The following GOSR2 variants were observed in gnomAD, a reference collection of about 807,000 sequenced individuals.
The protein encoded by GOSR2 is 27 kDa Golgi SNARE protein.
GOSR2 carries 20 observed loss-of-function variants against 27.9 expected under a neutral mutation model. The ratio of observed to expected loss-of-function variants is 0.72; its 90% CI spans 0.50 to 1.04. The LOEUF is 1.04. Ranked by LOEUF, GOSR2 falls within the 50% of genes least tolerant of loss-of-function variation. The pLI is 0.00. For missense variants in GOSR2, 261 were observed against 270.5 expected (o/e 0.97, Z 0.25); for synonymous variants, 91 against 98.8 (o/e 0.92, Z 0.47).
intron 4 of GOSR2, among the ~76,000 whole-genome samples, chr17:46,933,847 C>T (rs2087802669): frequency 6.6e-6 from 1 of 151,578 alleles, no homozygotes; most frequent in South Asian, 2.1e-4. Flanking sequence ...GCCTGTGGTC[C>T]CAACTACTCT....
chr17:46,952,310 C>T (rs1694673282), intron 6 of GOSR2, among the ~76,000 whole-genome samples: 1 of 152,202 alleles, frequency 6.6e-6, no homozygotes, highest in South Asian at 2.1e-4. Context: ...GGGTCAGCAG[C>T]CCAAAGCAGT....
In GOSR2 at chr17:46,940,727, C is replaced by T. The variant is rs2147084659; in HGVS notation, c.*1967C>T. On this transcript the variant is annotated 3_prime_UTR_variant, in exon 6 of 6. Coordinates refer to ENST00000640051, the MANE Select transcript of GOSR2 (RefSeq NM_004287.5). ...GCTTTCCACACTTGACAGTGGTTGGCTTTGATGAACCCTCATGCTGCACCT... is the reference window on the plus strand; with the variant it reads ...GCTTTCCACACTTGACAGTGGTTGGTTTTGATGAACCCTCATGCTGCACCT... 1.9e-6 allele frequency: 3 copies of T among 1,593,496 alleles called. No individual in the cohort carries two copies. Among genetic ancestry groups the T allele is most frequent in the Middle Eastern group, 1.7e-4 (1 of 6,004 alleles).
chr17:46,958,321 C>T (rs553489946), intron 6 of GOSR2, among the ~76,000 whole-genome samples: 1 of 152,230 alleles, frequency 6.6e-6, no homozygotes, highest in Admixed American at 6.5e-5. Context: ...TAATTCAAGA[C>T]AGGATCTCCA....
chr17:46,967,529 GGA>G (rs995168747), downstream of GOSR2, among the ~76,000 whole-genome samples: 1 of 152,202 alleles, frequency 6.6e-6, no homozygotes. Flanking sequence ...GCGAAGAGAA[GGA>G]GAGAGGCATT....
downstream of GOSR2, among the ~76,000 whole-genome samples, chr17:46,945,857 T>C (rs1324153028): frequency 6.6e-6 from 1 of 152,204 alleles, no homozygotes; most frequent in African/African-American, 2.4e-5. Context: ...GGTAAAACCC[T>C]GGAGATAAAC....
chr17:46,934,461 G>T (rs1368222355), intron 4 of GOSR2, among the ~76,000 whole-genome samples: 1 of 152,120 alleles, frequency 6.6e-6, no homozygotes, highest in African/African-American at 2.4e-5. Context: ...GGCTAAGGTT[G>T]CAGTGAGCTG....
At chr17:46,928,168 C>G (rs2086776887) in intron 1 of GOSR2, among the ~76,000 whole-genome samples, 1 of 152,124 alleles carries the variant, frequency 6.6e-6, no homozygotes, top group African/African-American at 2.4e-5. Context: ...AGTTGCTTCT[C>G]AGGGCCACAG....
At chr17:46,931,232 T>G (rs2087326849) in intron 3 of GOSR2, 25 bp downstream of exon 3, 2 of 1,055,268 alleles carry the variant, frequency 1.9e-6, no homozygotes, top group African/African-American at 3.1e-5. Context: ...CTGACATGGC[T>G]CTGATACTCC....
chr17:46,931,079 C>CT lies in GOSR2; in HGVS notation c.95-14dup, dbSNP rs1568169583. On this transcript the variant is annotated intron_variant, in intron 2 of 5. Transcript: ENST00000640051. ...CACTATCTCTTTTCCAGCAATTATTCTTTTTTCTTTTTTGTACAGTAGTAG... is the reference window on the plus strand; with the variant it reads ...CACTATCTCTTTTCCAGCAATTATTCTTTTTTTCTTTTTTGTACAGTAGTAG... 7.9e-7 allele frequency: 1 copy of CT among 1,260,984 alleles called. No individual in the cohort carries two copies. Among genetic ancestry groups the CT allele is most frequent in the Non-Finnish European group, 1.2e-6 (1 of 859,028 alleles). 78.1% of individuals were successfully genotyped at this position (1,260,984 alleles called of 1,614,324 possible). A position where few individuals can be genotyped will look rare whatever the true frequency, so the allele number is the denominator to read the frequency against.
At chr17:46,952,312 C>T (rs2090419810) in intron 6 of GOSR2, among the ~76,000 whole-genome samples, 1 of 152,196 alleles carries the variant, frequency 6.6e-6, no homozygotes, top group South Asian at 2.1e-4. Flanking sequence ...GTCAGCAGCC[C>T]AAAGCAGTCG....
chr17:46,974,627 G>A (rs556072492), intron 6 of GOSR2, among the ~76,000 whole-genome samples: 1 of 152,030 alleles, frequency 6.6e-6, no homozygotes, highest in African/African-American at 2.4e-5. Flanking sequence ...CCAGCTACTC[G>A]GGAGGCTGAG....
intron 5 of GOSR2, 28 bp downstream of exon 5, chr17:46,935,197 A>G (rs1161220353): frequency 1.9e-6 from 3 of 1,612,990 alleles, no homozygotes; most frequent in Non-Finnish European, 2.5e-6. Context: ...GGACAGAGAG[A>G]AGGCCTCTTG....
intron 6 of GOSR2, among the ~76,000 whole-genome samples, chr17:46,958,151 G>A (rs1018589374): frequency 2.0e-5 from 3 of 152,204 alleles, no homozygotes; most frequent in African/African-American, 4.8e-5. Flanking sequence ...TGGCCAGGGG[G>A]CCTCAGAGGA....
chr17:46,940,959 C>T lies in GOSR2; in HGVS notation c.*2199C>T, dbSNP rs754879964. Reference sequence around the variant, plus strand: ...GGCCTAACAGTGTGACTCTCTCCACCGCCTCAGTGTAGGGAAGGGTCCAGG... The same window carrying T: ...GGCCTAACAGTGTGACTCTCTCCACTGCCTCAGTGTAGGGAAGGGTCCAGG... On this transcript the variant is annotated 3_prime_UTR_variant, in exon 6 of 6. Transcript: ENST00000640051. The T allele has an allele frequency of 3.6e-5, 45 of 1,235,604 alleles. No homozygotes were observed. Among genetic ancestry groups the T allele is most frequent in the East Asian group, 2.8e-4 (6 of 21,464 alleles). The allele number at this position is 1,235,604 out of a possible 1,614,324, so 76.5% of individuals were successfully genotyped here.
At chr17:46,943,389 C>T (rs1024665322), downstream of GOSR2, among the ~76,000 whole-genome samples, 1 of 152,210 alleles carries the variant, frequency 6.6e-6, no homozygotes, top group Non-Finnish European at 1.5e-5. Context: ...GCCTGGTGTT[C>T]CGTCCTCCCT....
intron 6 of GOSR2, among the ~76,000 whole-genome samples, chr17:46,965,736 C>T (rs1001556076): frequency 6.6e-6 from 1 of 152,136 alleles, no homozygotes; most frequent in African/African-American, 2.4e-5. Context: ...GATCCTCCCA[C>T]CTTAGCCTCC....
At chr17:46,923,274 G>A (rs1237834853) in intron 1 of GOSR2, 53 bp downstream of exon 1, 2 of 1,549,614 alleles carry the variant, frequency 1.3e-6, no homozygotes, top group Admixed American at 2.0e-5. Context: ...GGCCAGGTGA[G>A]CCTGGCTTCT....
intron 1 of GOSR2, among the ~76,000 whole-genome samples, chr17:46,926,769 GTAT>G: frequency 1.3e-5 from 2 of 152,336 alleles, no homozygotes; most frequent in South Asian, 4.1e-4. Flanking sequence ...CGCTGGAATT[GTAT>G]TATTGGCCAC....
downstream of GOSR2, among the ~76,000 whole-genome samples, chr17:46,969,710 A>T (rs1242107145): frequency 6.6e-6 from 1 of 152,212 alleles, no homozygotes; most frequent in African/African-American, 2.4e-5. Flanking sequence ...AATCAAAACA[A>T]TGAAAGAGGC....
Sources: allele counts gnomAD v4.1 joint callset (sites outside exome capture counted in the v4.1 genomes callset), GRCh38; gene constraint gnomAD v4.1.1; transcripts MANE v1.5; gene names NCBI Gene and HGNC (gene_info 2026-07-23, HGNC 2026-07-21).